HOOK3: variants seen among roughly 807,000 people sequenced by gnomAD.
HOOK3 encodes protein Hook homolog 3.
In HOOK3, 24 loss-of-function variants were observed where a neutral mutation model predicts 116.3. That is an observed-to-expected ratio of 0.21 (90% CI 0.15 to 0.29). The LOEUF is 0.29. Among genes scored for constraint, HOOK3 ranks in the 10% least tolerant of loss-of-function variants. The probability of loss-of-function intolerance (pLI) is 1.00; values close to 1 mark genes in which losing one functional copy is unlikely to be tolerated. For synonymous variants in HOOK3, 275 were observed against 283.0 expected, an observed-to-expected ratio of 0.97 and a Z score of 0.28; for missense variants, 632 against 830.2, an observed-to-expected ratio of 0.76 and a Z score of 2.93.
rs1369331459 is a variant in HOOK3 at position 43,023,296 on chromosome 8, C to T, written c.*4798C>T. 1 of 178,470 alleles carries T rather than the reference C, an allele frequency of 5.6e-6. No individual in the cohort carries two copies. Among genetic ancestry groups the T allele is most frequent in the African/African-American group, 2.4e-5 (1 of 41,960 alleles). The allele number at this position is 178,470 out of a possible 1,614,324, so 11.1% of individuals were successfully genotyped here. On this transcript the variant is annotated 3_prime_UTR_variant, in exon 22 of 22. Coordinates refer to ENST00000307602, the MANE Select transcript of HOOK3 (RefSeq NM_032410.4). ...GAAAATCCGTGCTGTGCAAATAGAT[C>T]AGTAGTGAGTGAGTGTTAAGTGAAA... is the stretch of plus-strand genomic sequence containing the variant.
At chr8:43,002,181 G>T in intron 17 of HOOK3, 40 bp downstream of exon 17, 1 of 1,481,520 alleles carries the variant, frequency 6.7e-7, no homozygotes, top group South Asian at 1.1e-5. Flanking sequence ...TTCTATAGTG[G>T]AACACATGTG....
intron 4 of HOOK3, among the ~76,000 whole-genome samples, chr8:42,942,936 G>A (rs555565041): frequency 6.6e-6 from 1 of 152,314 alleles, no homozygotes; most frequent in South Asian, 2.1e-4. Context: ...GGTGGCTAGT[G>A]AGAATCTTAC....
intron 15 of HOOK3, among the ~76,000 whole-genome samples, chr8:42,992,399 CAAAAAA>C (rs36048747): frequency 2.6e-5 from 1 of 38,936 alleles, no homozygotes; most frequent in Non-Finnish European, 4.9e-5. Flanking sequence ...GACTCTGTCT[CAAAAAA>C]AAAAAAAAAA....
chr8:42,917,980 A>G (rs1360696092), intron 2 of HOOK3, among the ~76,000 whole-genome samples: 2 of 152,242 alleles, frequency 1.3e-5, no homozygotes, highest in South Asian at 4.1e-4. Flanking sequence ...ATGCCTAAGA[A>G]TCAATGTATC....
chr8:42,991,384 T>C (rs1245760040), intron 15 of HOOK3, among the ~76,000 whole-genome samples: 2 of 151,468 alleles, frequency 1.3e-5, no homozygotes, highest in East Asian at 3.9e-4. Flanking sequence ...TAGCTTTGGA[T>C]AGTATGGACC....
At chr8:42,982,336 G>A (rs766521221) in intron 13 of HOOK3, among the ~76,000 whole-genome samples, 5 of 151,754 alleles carry the variant, frequency 3.3e-5, no homozygotes, top group Non-Finnish European at 5.9e-5. Context: ...GGGAGGCATA[G>A]GGAATTGGTT....
chr8:42,928,361 G>A (rs147955151), intron 3 of HOOK3, among the ~76,000 whole-genome samples: 46 of 151,904 alleles, frequency 3.0e-4, no homozygotes, highest in African/African-American at 1.0e-3. Flanking sequence ...TGAGGCATGA[G>A]AATTGCTTGA....
intron 1 of HOOK3, among the ~76,000 whole-genome samples, chr8:42,901,190 C>T (rs1040659764): frequency 6.6e-6 from 1 of 152,126 alleles, no homozygotes; most frequent in Non-Finnish European, 1.5e-5. Context: ...ATGCTTTACT[C>T]TTCTCATGCT....
chr8:42,957,699 A>G (rs1041086862), intron 7 of HOOK3, among the ~76,000 whole-genome samples: 1 of 151,316 alleles, frequency 6.6e-6, no homozygotes, highest in African/African-American at 2.4e-5. Flanking sequence ...TCTCGATCCC[A>G]CCCCTCATTT....
chr8:42,936,218 G>T (rs1234729872), intron 4 of HOOK3, among the ~76,000 whole-genome samples: 2 of 152,194 alleles, frequency 1.3e-5, no homozygotes, highest in African/African-American at 4.8e-5. Flanking sequence ...AGGAATGCTT[G>T]TGATTTTTGC....
intron 8 of HOOK3, among the ~76,000 whole-genome samples, chr8:42,963,169 T>C (rs1808568284): frequency 6.6e-6 from 1 of 152,106 alleles, no homozygotes; most frequent in Admixed American, 6.6e-5. Flanking sequence ...TAATTCTTTC[T>C]TATTGCTGAG....
At chr8:42,944,831 TAATAA>T (rs1204037707) in intron 5 of HOOK3, among the ~76,000 whole-genome samples, 2 of 151,934 alleles carry the variant, frequency 1.3e-5, no homozygotes, top group South Asian at 2.1e-4. Flanking sequence ...AAAAAAAAAA[TAATAA>T]AATAACTTAA....
At chr8:42,982,814 A>G (rs1808977651) in intron 14 of HOOK3, 118 bp downstream of exon 14, 2 of 673,840 alleles carry the variant, frequency 3.0e-6, no homozygotes, top group Non-Finnish European at 5.1e-6. Context: ...TTCAACATGA[A>G]CTCAGTGTTA....
chr8:43,002,247 A>G, intron 17 of HOOK3, 106 bp downstream of exon 17: 1 of 762,862 alleles, frequency 1.3e-6, no homozygotes. Context: ...GCCCTTGAAG[A>G]AATAGAAAAT....
In HOOK3 at chr8:43,026,923, ACT is replaced by A. The variant is rs1401795728; in HGVS notation, c.*8428_*8429del. 3 of 184,574 alleles carry A rather than the reference ACT, an allele frequency of 1.6e-5. No homozygotes were observed. The highest frequency in any genetic ancestry group is 2.4e-5 in the African/African-American group (1 of 42,308). The allele number at this position is 184,574 out of a possible 1,614,324, so 11.4% of individuals were successfully genotyped here. ...GAGATGGAGTCTCACTCTGAGTCTCACTCTGTTGCCCAGGCTGGAGTGCAGTG... is the reference window on the plus strand; with the variant it reads ...GAGATGGAGTCTCACTCTGAGTCTCACTGTTGCCCAGGCTGGAGTGCAGTG... On this transcript the variant is annotated 3_prime_UTR_variant, in exon 22 of 22. Transcript: ENST00000307602.
intron 21 of HOOK3, among the ~76,000 whole-genome samples, chr8:43,015,410 G>A (rs1037107365): frequency 6.6e-6 from 1 of 151,806 alleles, no homozygotes; most frequent in East Asian, 2.0e-4. Flanking sequence ...GTAATCCCAG[G>A]TACTCCGGAG....
chr8:42,897,268 C>A, intron 1 of HOOK3, 80 bp downstream of exon 1: 1 of 1,002,402 alleles, frequency 1.0e-6, no homozygotes, highest in Non-Finnish European at 1.3e-6. Flanking sequence ...GCCCGTGGGG[C>A]GAGCGCTGCG....
chr8:42,955,976 A>G (rs971538822), intron 6 of HOOK3, among the ~76,000 whole-genome samples: 2 of 152,172 alleles, frequency 1.3e-5, no homozygotes, highest in South Asian at 2.1e-4. Flanking sequence ...CAAGCATTCC[A>G]TCCACCCCAG....
Position 43,025,450 on chromosome 8 carries a change from G to T in HOOK3, c.*6952G>T. On this transcript the variant is annotated 3_prime_UTR_variant, in exon 22 of 22. Coordinates refer to ENST00000307602, the MANE Select transcript of HOOK3 (RefSeq NM_032410.4). ...GGAAGTCCTAATACAATGAAAACTT[G>T]CATTATCTAAACAGATGTTCCCAAA... 4.7e-6 allele frequency: 1 copy of T among 213,524 alleles called. No homozygotes were observed. Among genetic ancestry groups the T allele is most frequent in the East Asian group, 7.1e-5 (1 of 14,136 alleles). The allele number at this position is 213,524 out of a possible 1,614,324, so 13.2% of individuals were successfully genotyped here. A position where few individuals can be genotyped will look rare whatever the true frequency, so the allele number is the denominator to read the frequency against.
Sources: gnomAD v4.1 joint callset for allele counts (sites outside exome capture counted in the v4.1 genomes callset) on GRCh38, gnomAD v4.1.1 for gene constraint, MANE v1.5 for transcripts, NCBI Gene and HGNC (gene_info 2026-07-23, HGNC 2026-07-21) for gene names.